Variants in STAG1 observed in about 807,000 individuals in gnomAD.
The protein encoded by STAG1 is cohesin subunit SA-1.
A neutral mutation model predicts 170.9 loss-of-function variants in STAG1; 26 were observed. The observed-to-expected ratio is 0.15, with a 90% confidence interval of 0.11 to 0.21. The LOEUF is 0.21. Ranked by LOEUF, STAG1 falls within the 10% of genes least tolerant of loss-of-function variation. STAG1 has a pLI of 1.00. For synonymous variants in STAG1, 514 were observed against 497.7 expected, an observed-to-expected ratio of 1.03 and a Z score of -0.44; for missense variants, 964 against 1,509.5, an observed-to-expected ratio of 0.64 and a Z score of 5.99.
chr3:136,372,912 C>A (rs945009678), intron 23 of STAG1, among the ~76,000 whole-genome samples: 1 of 152,122 alleles, frequency 6.6e-6, no homozygotes, highest in Non-Finnish European at 1.5e-5. Context: ...GGAATAGTTT[C>A]AGAAGGAATG....
chr3:136,440,747 T>C (rs2088606024), intron 15 of STAG1, among the ~76,000 whole-genome samples: 1 of 151,870 alleles, frequency 6.6e-6, no homozygotes, highest in Non-Finnish European at 1.5e-5. Context: ...CTCAGCACTT[T>C]GGGAGGGTGA....
chr3:136,634,291 A>G (rs1307387715), intron 1 of STAG1, among the ~76,000 whole-genome samples: 2 of 152,018 alleles, frequency 1.3e-5, no homozygotes, highest in Admixed American at 6.6e-5. Context: ...TAGGAGGTTG[A>G]GGCTACAGTG....
chr3:136,662,736 C>A (rs1270245337), intron 1 of STAG1, among the ~76,000 whole-genome samples: 1 of 152,212 alleles, frequency 6.6e-6, no homozygotes, highest in Non-Finnish European at 1.5e-5. Context: ...AAAGCCACCG[C>A]ACCCAGCCTT....
chr3:136,666,137 A>G (rs1941763521), intron 1 of STAG1, among the ~76,000 whole-genome samples: 1 of 146,006 alleles, frequency 6.8e-6, no homozygotes, highest in South Asian at 2.3e-4. Context: ...GGTCTATAGA[A>G]GCTGAGTGTG....
At chr3:136,673,268 G>A (rs1238549392) in intron 1 of STAG1, among the ~76,000 whole-genome samples, 1 of 152,146 alleles carries the variant, frequency 6.6e-6, no homozygotes, top group Non-Finnish European at 1.5e-5. Flanking sequence ...ACAACAGATG[G>A]CTAATATTAG....
At chr3:136,559,160 T>C (rs1056084513) in intron 5 of STAG1, among the ~76,000 whole-genome samples, 21 of 151,904 alleles carry the variant, frequency 1.4e-4, no homozygotes, top group African/African-American at 4.8e-4. Flanking sequence ...TATCTATCTA[T>C]CTATATACGT....
intron 5 of STAG1, among the ~76,000 whole-genome samples, chr3:136,545,936 T>A (rs973410109): frequency 2.0e-5 from 3 of 152,150 alleles, no homozygotes; most frequent in Non-Finnish European, 4.4e-5. Flanking sequence ...TTAAAGTAAA[T>A]GTTTTTAAAA....
At chr3:136,667,533 T>G (rs1941828901) in intron 1 of STAG1, among the ~76,000 whole-genome samples, 1 of 152,324 alleles carries the variant, frequency 6.6e-6, no homozygotes, top group East Asian at 1.9e-4. Context: ...ATTTTTCATT[T>G]TGTGCATTTC....
intron 1 of STAG1, among the ~76,000 whole-genome samples, chr3:136,715,602 G>T (rs1201203166): frequency 6.6e-6 from 1 of 151,522 alleles, no homozygotes; most frequent in Non-Finnish European, 1.5e-5. Context: ...CCTGGTGACA[G>T]AACAAGACTC....
intron 13 of STAG1, among the ~76,000 whole-genome samples, chr3:136,456,781 T>C (rs1219340014): frequency 6.6e-6 from 1 of 152,208 alleles, no homozygotes; most frequent in Non-Finnish European, 1.5e-5. Flanking sequence ...CATATCATAT[T>C]CAATGGAGCT....
intron 5 of STAG1, among the ~76,000 whole-genome samples, chr3:136,559,415 GTA>G (rs535407686): frequency 3.5e-4 from 53 of 152,136 alleles, no homozygotes; most frequent in Non-Finnish European, 8.8e-5. Flanking sequence ...ACAATAAAGA[GTA>G]TGTTATCTAG....
chr3:136,537,926 T>C (rs188623922), intron 6 of STAG1, among the ~76,000 whole-genome samples: 24 of 152,302 alleles, frequency 1.6e-4, no homozygotes, highest in Admixed American at 5.2e-4. Flanking sequence ...CTGTCACTCC[T>C]TGCACGCATT....
At chr3:136,715,282 G>A (rs1943509629) in intron 1 of STAG1, among the ~76,000 whole-genome samples, 1 of 150,866 alleles carries the variant, frequency 6.6e-6, no homozygotes, top group South Asian at 2.1e-4. Context: ...CAAAGTGTTG[G>A]GATGACAGGT....
chr3:136,387,996 A>C (rs553511132), intron 22 of STAG1, among the ~76,000 whole-genome samples: 4 of 152,282 alleles, frequency 2.6e-5, no homozygotes, highest in East Asian at 1.9e-4. Context: ...CTGTATCCCA[A>C]ACCTACACTA....
intron 4 of STAG1, among the ~76,000 whole-genome samples, chr3:136,573,897 G>C (rs909227811): frequency 1.3e-5 from 2 of 152,056 alleles, no homozygotes; most frequent in African/African-American, 4.8e-5. Flanking sequence ...CGAGAACCTG[G>C]GAGGCGGAGT....
At chr3:136,549,630 T>C (rs1936303994) in intron 5 of STAG1, among the ~76,000 whole-genome samples, 2 of 149,296 alleles carry the variant, frequency 1.3e-5, no homozygotes, top group Admixed American at 6.8e-5. Flanking sequence ...TTATGTCATC[T>C]GTTAACAGAA....
At chr3:136,711,251 G>C (rs990524667) in intron 1 of STAG1, among the ~76,000 whole-genome samples, 1 of 152,134 alleles carries the variant, frequency 6.6e-6, no homozygotes, top group Non-Finnish European at 1.5e-5. Flanking sequence ...TTGGTTGGAG[G>C]TTAAGTTGGT....
intron 15 of STAG1, among the ~76,000 whole-genome samples, chr3:136,442,059 A>G (rs1401315481): frequency 1.3e-5 from 2 of 152,170 alleles, no homozygotes; most frequent in East Asian, 3.8e-4. Context: ...TTAGCTGGGC[A>G]TGATGGCATG....
intron 3 of STAG1, among the ~76,000 whole-genome samples, 200 bp from the exon 4 acceptor site, chr3:136,604,673 C>T (rs1401335413): frequency 6.6e-6 from 1 of 152,026 alleles, no homozygotes; most frequent in Non-Finnish European, 1.5e-5. Context: ...TTTTTTGAGA[C>T]AGAGTCTTGC....
Sources: gnomAD v4.1 joint callset for allele counts (sites outside exome capture counted in the v4.1 genomes callset) on GRCh38, gnomAD v4.1.1 for gene constraint, MANE v1.5 for transcripts, NCBI Gene and HGNC (gene_info 2026-07-23, HGNC 2026-07-21) for gene names.